The following APBB2 variants were observed in gnomAD, a reference collection of about 807,000 sequenced individuals.
APBB2 encodes the protein amyloid beta precursor protein binding family B member 2, also known as Fe65-like 1.
In APBB2, 38 loss-of-function variants were observed where a neutral mutation model predicts 82.5. The ratio of observed to expected loss-of-function variants is 0.46; its 90% confidence interval spans 0.36 to 0.60. The LOEUF is 0.60. Ranked by LOEUF, APBB2 falls within the 20% of genes least tolerant of loss-of-function variation. The pLI is 0.00. For synonymous variants in APBB2, 341 were observed against 368.2 expected (o/e 0.93, Z 0.85); for missense variants, 772 against 972.3 (o/e 0.79, Z 2.74).
intron 10 of APBB2, among the ~76,000 whole-genome samples, chr4:40,914,584 A>G (rs1458063005): frequency 6.6e-6 from 1 of 152,172 alleles, no homozygotes; most frequent in Non-Finnish European, 1.5e-5. Context: ...ATAGACAGAC[A>G]GACAGATAGA....
intron 11 of APBB2, among the ~76,000 whole-genome samples, chr4:40,891,217 C>T (rs1352231750): frequency 1.3e-5 from 2 of 152,266 alleles, no homozygotes; most frequent in South Asian, 2.1e-4. Flanking sequence ...AGGGGAACAC[C>T]CAGGTTTCTC....
At chr4:41,124,451 G>A (rs991117588) in intron 2 of APBB2, among the ~76,000 whole-genome samples, 1 of 151,920 alleles carries the variant, frequency 6.6e-6, no homozygotes, top group Non-Finnish European at 1.5e-5. Context: ...GTCGTGATCC[G>A]CCCGCCTCCC....
chr4:40,841,631 C>G (rs1755841006), intron 12 of APBB2, among the ~76,000 whole-genome samples: 1 of 151,994 alleles, frequency 6.6e-6, no homozygotes, highest in Non-Finnish European at 1.5e-5. Flanking sequence ...CAACCCTTAC[C>G]AATCAAATTC....
chr4:40,820,944 C>T (rs375694028), intron 17 of APBB2, among the ~76,000 whole-genome samples: 305 of 152,254 alleles, frequency 2.0e-3, no homozygotes, highest in African/African-American at 7.2e-3. Flanking sequence ...TCTCGGTTCA[C>T]TGCAACCTCT....
chr4:41,071,805 A>C (rs1348710974), intron 3 of APBB2, among the ~76,000 whole-genome samples: 1 of 152,210 alleles, frequency 6.6e-6, no homozygotes, highest in Non-Finnish European at 1.5e-5. Flanking sequence ...TTTCAACCAT[A>C]GTGGATTAAT....
At chr4:40,990,644 C>T (rs939134265) in intron 6 of APBB2, among the ~76,000 whole-genome samples, 81 of 152,164 alleles carry the variant, frequency 5.3e-4, no homozygotes, top group African/African-American at 1.8e-3. Flanking sequence ...AAATGCTTCA[C>T]CCCAACGTAA....
chr4:40,955,972 C>T (rs1183666822), intron 6 of APBB2, among the ~76,000 whole-genome samples: 1 of 152,044 alleles, frequency 6.6e-6, no homozygotes, highest in East Asian at 1.9e-4. Context: ...CAGGGTTTCA[C>T]CATGTTGGCC....
chr4:41,041,674 G>A (rs543035514), intron 4 of APBB2, among the ~76,000 whole-genome samples: 7 of 152,030 alleles, frequency 4.6e-5, no homozygotes, highest in Non-Finnish European at 7.4e-5. Flanking sequence ...TTTATCTTTC[G>A]CAAAAATACT....
In APBB2 at chr4:40,816,276, C is replaced by T. The variant is rs777568610; in HGVS notation, c.2113-17G>A. 24 of 1,613,590 alleles carry T rather than the reference C, an allele frequency of 1.5e-5. No individual in the cohort carries two copies. The highest frequency in any genetic ancestry group is 4.4e-5 in the South Asian group (4 of 91,080). ...ATATCGTAACTGAAATAAAACAAAA[C>T]GTGTTTTAAGGTAATTAACAACATA... On this transcript the variant is annotated splice_polypyrimidine_tract_variant and intron_variant, in intron 17 of 17. Transcript: ENST00000508593.
At chr4:40,857,817 G>T (rs1243483264) in intron 12 of APBB2, among the ~76,000 whole-genome samples, 1 of 151,744 alleles carries the variant, frequency 6.6e-6, no homozygotes, top group Non-Finnish European at 1.5e-5. Flanking sequence ...AATGGGGGGC[G>T]GGGAGGGGTG....
intron 2 of APBB2, among the ~76,000 whole-genome samples, chr4:41,121,457 AGCGTGCGTGTGTACACGCTCAT>A (rs1752766945): frequency 6.6e-6 from 1 of 152,250 alleles, no homozygotes; most frequent in Non-Finnish European, 1.5e-5. Flanking sequence ...GGTACTTGGG[AGCGTGCGTGTGTACACGCTCAT>A]GCGTGCGCAT....
At chr4:40,908,597 C>T (rs960955757) in intron 10 of APBB2, among the ~76,000 whole-genome samples, 1 of 152,074 alleles carries the variant, frequency 6.6e-6, no homozygotes, top group Non-Finnish European at 1.5e-5. Flanking sequence ...TAGCTACACC[C>T]GGCTGGCACC....
chr4:41,022,168 C>T (rs909645967), intron 5 of APBB2, among the ~76,000 whole-genome samples: 1 of 152,208 alleles, frequency 6.6e-6, no homozygotes, highest in Non-Finnish European at 1.5e-5. Flanking sequence ...AGGAACTGTT[C>T]TCAACCCTGG....
chr4:41,131,619 A>G (rs1198394960), intron 2 of APBB2, among the ~76,000 whole-genome samples: 1 of 152,230 alleles, frequency 6.6e-6, no homozygotes, highest in Non-Finnish European at 1.5e-5. Context: ...GAAGTTATAA[A>G]GAGAAGGAGA....
intron 6 of APBB2, among the ~76,000 whole-genome samples, chr4:40,956,025 C>T (rs1156248341): frequency 6.6e-6 from 1 of 152,136 alleles, no homozygotes; most frequent in African/African-American, 2.4e-5. Context: ...CCACCTACCT[C>T]GGCCTCCCAA....
intron 6 of APBB2, among the ~76,000 whole-genome samples, chr4:40,958,044 A>G (rs1792143302): frequency 6.6e-6 from 1 of 152,248 alleles, no homozygotes. Flanking sequence ...CATGAAATGT[A>G]AGCAGCTAAA....
intron 1 of APBB2, chr4:41,193,418 C>CT (rs1775006673): frequency 5.3e-6 from 1 of 188,174 alleles, no homozygotes. Context: ...ATGCATAAAG[C>CT]TTAGGTCACT....
At chr4:41,062,973 T>C (rs562318775) in intron 4 of APBB2, among the ~76,000 whole-genome samples, 7 of 152,296 alleles carry the variant, frequency 4.6e-5, no homozygotes, top group South Asian at 2.1e-4. Context: ...TTCTCTAAGA[T>C]GAAAAAAGGA....
chr4:40,864,696 G>A (rs544871891), intron 12 of APBB2, among the ~76,000 whole-genome samples: 1 of 152,136 alleles, frequency 6.6e-6, no homozygotes, highest in African/African-American at 2.4e-5. Flanking sequence ...CCATTCCCTG[G>A]CCTTCACTGT....
Sources: allele counts gnomAD v4.1 joint callset (sites outside exome capture counted in the v4.1 genomes callset), GRCh38; gene constraint gnomAD v4.1.1; transcripts MANE v1.5; gene names NCBI Gene and HGNC (gene_info 2026-07-23, HGNC 2026-07-21).